PIGB: variants seen among roughly 807,000 people sequenced by gnomAD.
The protein encoded by PIGB is GPI alpha-1,2-mannosyltransferase 3.
In PIGB, 58 loss-of-function variants were observed where a neutral mutation model predicts 68.4. That is an observed-to-expected ratio of 0.85 (90% CI 0.69 to 1.06). The LOEUF is 1.06. Among genes scored for constraint, PIGB ranks in the 50% least tolerant of loss-of-function variants. PIGB has a pLI of 0.00. For synonymous variants in PIGB, 219 were observed against 220.5 expected (o/e 0.99, Z 0.06); for missense variants, 634 against 655.8 (o/e 0.97, Z 0.36).
chr15:55,347,781 A>C (rs1342029856), intron 9 of PIGB, among the ~76,000 whole-genome samples: 1 of 152,198 alleles, frequency 6.6e-6, no homozygotes, highest in Non-Finnish European at 1.5e-5. Flanking sequence ...AGCTAAGCTC[A>C]GAGAGTTAAA....
chr15:55,352,924 C>T (rs538262639), intron 10 of PIGB, among the ~76,000 whole-genome samples: 14 of 152,182 alleles, frequency 9.2e-5, no homozygotes, highest in African/African-American at 3.1e-4. Context: ...TCATTAATGC[C>T]AGTAATTAAT....
intron 6 of PIGB, among the ~76,000 whole-genome samples, chr15:55,338,275 C>T (rs1211157918): frequency 6.6e-6 from 1 of 152,138 alleles, no homozygotes; most frequent in Non-Finnish European, 1.5e-5. Context: ...TGAACATGGG[C>T]TAGATTTGTC....
intron 10 of PIGB, among the ~76,000 whole-genome samples, chr15:55,353,999 A>AAAAATAAAAATAAAAAAGT (rs568739073): frequency 1.4e-5 from 2 of 140,102 alleles, no homozygotes; most frequent in Non-Finnish European, 3.0e-5. Context: ...CATCTTAAAT[A>AAAAATAAAAATAAAAAAGT]AAAAAAAAAA....
chr15:55,319,384 C>A lies in PIGB; in HGVS notation c.134C>A (p.Thr45Asn). 2 of 1,553,258 alleles carry A rather than the reference C, an allele frequency of 1.3e-6. No homozygotes were observed. Reference protein sequence around the residue: ...RKRKSTLYFNTQEKSARRRGD... With the variant: ...RKRKSTLYFNNQEKSARRRGD... ...AGAAAGTCTACCTTGTACTTCAACA[C>A]CCAGGAGAAGAGCGCCAGGCGCCGC... is the stretch of plus-strand genomic sequence containing the variant. The change falls in exon 1 of 12, where the codon ACC becomes AAC. Residue 45 changes from threonine to asparagine, a missense_variant. By Grantham distance (65) the Thr-to-Asn change is moderately conservative. Transcript: ENST00000164305.
chr15:55,325,593 A>G (rs1455448250), intron 3 of PIGB, among the ~76,000 whole-genome samples: 1 of 152,130 alleles, frequency 6.6e-6, no homozygotes, highest in African/African-American at 2.4e-5. Flanking sequence ...CCATGTTCCT[A>G]TAATTGCAGA....
intron 5 of PIGB, among the ~76,000 whole-genome samples, chr15:55,333,654 C>T (rs1440011902): frequency 6.6e-6 from 1 of 152,140 alleles, no homozygotes; most frequent in Non-Finnish European, 1.5e-5. Flanking sequence ...ATCACTTGCA[C>T]CTGGGAGGCA....
chr15:55,353,240 G>A (rs2055962289), intron 10 of PIGB, among the ~76,000 whole-genome samples: 1 of 152,212 alleles, frequency 6.6e-6, no homozygotes, highest in Admixed American at 6.5e-5. Context: ...AGACTTGGAA[G>A]TAGAGAGCAA....
At position 55,329,607 on chromosome 15, in the gene PIGB, A is replaced by G. The variant is rs191299819; in HGVS notation, c.523-117A>G. On this transcript the variant is annotated intron_variant, in intron 4 of 11. Transcript: ENST00000164305. ...GGGCATGCCTACTTACTTTAACATC[A>G]TCTACCTTTTGATGTCCTTTTCACA... 2.6e-3 allele frequency: 2,147 copies of G among 820,396 alleles called. 3 individuals carry two copies. The highest frequency in any genetic ancestry group is 3.2e-3 in the South Asian group (135 of 41,998). The allele number at this position is 820,396 out of a possible 1,614,324, so 50.8% of individuals were successfully genotyped here.
At position 55,336,097 on chromosome 15, in the gene PIGB, A is replaced by G. The variant is rs370297883; in HGVS notation, c.794+2090A>G. On this transcript the variant is annotated intron_variant, in intron 6 of 11. Transcript: ENST00000164305. ...CTCAGGGTTACATCTTGATAAACTC[A>G]TTGCAGGTTGAAAATATCATAAGTC... Among the ~76,000 whole-genome samples the G allele has an allele frequency of 2.6e-5, 4 of 152,318 alleles. No individual in the cohort carries two copies. In the East Asian group the frequency reaches 5.8e-4, roughly 22 times the overall value.
chr15:55,350,902 CCTT>C lies in PIGB; in HGVS notation c.1328_1330del (p.Pro443_Tyr444delinsHis). ...TATAATGATGCCTTGCCACTCTACTCCTTATTACAGGTAATAAAAGATGTTCCA... is the reference window on the plus strand; with the variant it reads ...TATAATGATGCCTTGCCACTCTACTCATTACAGGTAATAAAAGATGTTCCA... On this transcript the variant is annotated inframe_deletion, in exon 10 of 12. Transcript: ENST00000164305. 1.9e-6 allele frequency: 3 copies of C among 1,544,114 alleles called. No individual in the cohort carries two copies. Among genetic ancestry groups the C allele is most frequent in the Non-Finnish European group, 2.7e-6 (3 of 1,119,122 alleles).
intron 10 of PIGB, among the ~76,000 whole-genome samples, chr15:55,352,235 C>T (rs2055942237): frequency 1.3e-5 from 2 of 152,056 alleles, no homozygotes; most frequent in African/African-American, 4.8e-5. Flanking sequence ...AGGCGTGAGC[C>T]ACCGCACCCG....
At chr15:55,327,908 A>G (rs573613809) in intron 4 of PIGB, among the ~76,000 whole-genome samples, 6 of 152,294 alleles carry the variant, frequency 3.9e-5, no homozygotes, top group African/African-American at 1.4e-4. Flanking sequence ...TCACTCCTCA[A>G]AACTGTCCTT....
chr15:55,338,133 A>T (rs1323310436), intron 6 of PIGB, among the ~76,000 whole-genome samples: 1 of 152,092 alleles, frequency 6.6e-6, no homozygotes, highest in Non-Finnish European at 1.5e-5. Flanking sequence ...GTGTTCATGT[A>T]GTGATGATTC....
In PIGB at chr15:55,333,873, A is replaced by T. The variant is rs763635137; in HGVS notation, c.660A>T (p.Lys220Asn). 6.3e-7 allele frequency: 1 copy of T among 1,595,940 alleles called. No homozygotes were observed. Among genetic ancestry groups the T allele is most frequent in the Non-Finnish European group, 8.5e-7 (1 of 1,171,846 alleles). ...ACACATTTTCCTCTTATAGTGTCAAATACTCATCCCTGGTGGCACTTGCCT... is the reference window on the plus strand; with the variant it reads ...ACACATTTTCCTCTTATAGTGTCAATTACTCATCCCTGGTGGCACTTGCCT... The part of the protein sequence containing the change: ...LEGSKSMNSV[K>N]YSSLVALAFI... Residue 220 changes from lysine (K) to asparagine (N), a missense_variant, in exon 6 of 12, where the codon AAA becomes AAT. Coordinates refer to ENST00000164305, the MANE Select transcript of PIGB (RefSeq NM_004855.5).
rs1324837749 is a variant in PIGB at position 55,334,018 on chromosome 15, C to A, written c.794+11C>A. 1 of 1,547,416 alleles carries A rather than the reference C, an allele frequency of 6.5e-7. No individual in the cohort carries two copies. The highest frequency in any genetic ancestry group is 8.7e-7 in the Non-Finnish European group (1 of 1,144,746). The stretch of plus-strand genomic sequence containing the variant: ...TTTTTTACCTGTAGGGTAAGTGTGG[C>A]AATAATCCATCCATTTATTTTAGTA... On this transcript the variant is annotated intron_variant, in intron 6 of 11. Coordinates refer to ENST00000164305, the MANE Select transcript of PIGB (RefSeq NM_004855.5).
intron 5 of PIGB, among the ~76,000 whole-genome samples, chr15:55,330,072 T>C (rs1033870850): frequency 2.0e-5 from 3 of 152,122 alleles, no homozygotes; most frequent in African/African-American, 7.2e-5. Context: ...TTAGACAATA[T>C]TTAGAAAAGC....
intron 7 of PIGB, 68 bp from the exon 8 acceptor site, chr15:55,340,544 C>A: frequency 1.1e-6 from 1 of 936,022 alleles, no homozygotes; most frequent in South Asian, 1.6e-5. Context: ...TTGTATCAAT[C>A]CCCTAATGCC....
At position 55,333,887 on chromosome 15, in the gene PIGB, T is replaced by C; in HGVS notation, c.674T>C (p.Val225Ala). The stretch of plus-strand genomic sequence containing the variant: ...TATAGTGTCAAATACTCATCCCTGG[T>C]GGCACTTGCCTTCATAATTCGTCCC... Reference protein sequence around the residue: ...SMNSVKYSSLVALAFIIRPTA... With the variant: ...SMNSVKYSSLAALAFIIRPTA... Residue 225 changes from valine (V) to alanine (A), a missense_variant, in exon 6 of 12, where the codon GTG (valine) becomes GCG (alanine). Coordinates refer to ENST00000164305, the MANE Select transcript of PIGB (RefSeq NM_004855.5). 1 of 1,604,492 alleles carries C rather than the reference T, an allele frequency of 6.2e-7. No individual in the cohort carries two copies. The highest frequency in any genetic ancestry group is 8.5e-7 in the Non-Finnish European group (1 of 1,176,068).
intron 1 of PIGB, chr15:55,319,768 T>G (rs1158465362): frequency 4.8e-6 from 1 of 206,482 alleles, no homozygotes; most frequent in Non-Finnish European, 9.9e-6. Context: ...GTCTGTAAAA[T>G]GGGGCTAATA....
Sources: allele counts gnomAD v4.1 joint callset (sites outside exome capture counted in the v4.1 genomes callset), GRCh38; gene constraint gnomAD v4.1.1; transcripts MANE v1.5; gene names NCBI Gene and HGNC (gene_info 2026-07-23, HGNC 2026-07-21).